CTNNA2: variants seen among roughly 807,000 people sequenced by gnomAD.
The protein encoded by CTNNA2 is catenin alpha 2.
A neutral mutation model predicts 101.0 loss-of-function variants in CTNNA2; 42 were observed. That is an observed-to-expected ratio of 0.42 (90% CI 0.32 to 0.54). The LOEUF is 0.54. Ranked by LOEUF, CTNNA2 falls within the 20% of genes least tolerant of loss-of-function variation. The probability of loss-of-function intolerance (pLI) is 0.14; values close to 1 mark genes in which losing one functional copy is unlikely to be tolerated. For synonymous variants in CTNNA2, 450 were observed against 456.4 expected, an observed-to-expected ratio of 0.99 and a Z score of 0.18; for missense variants, 871 against 1,223.1, an observed-to-expected ratio of 0.71 and a Z score of 4.29.
At chr2:79,185,533 A>G (rs189725677) in intron 1 of CTNNA2, 39 of 152,312 alleles carry the variant, frequency 2.6e-4, no homozygotes, top group Middle Eastern at 3.4e-3. Context: ...ATAAATGATG[A>G]TGAGGATAGA....
upstream of CTNNA2, chr2:79,512,865 G>T (rs1671594991): frequency 6.6e-6 from 1 of 151,220 alleles, no homozygotes; most frequent in Non-Finnish European, 1.5e-5. Flanking sequence ...TCCAGGCGCC[G>T]CGGAGCCACG....
chr2:79,333,298 G>A (rs1455511773), intron 3 of CTNNA2, among the ~76,000 whole-genome samples: 1 of 152,108 alleles, frequency 6.6e-6, no homozygotes, highest in Admixed American at 6.6e-5. Context: ...ATTTAAGCAA[G>A]ACTGTGGGTT....
At chr2:80,257,276 A>G (rs1345207456) in intron 7 of CTNNA2, among the ~76,000 whole-genome samples, 1 of 151,844 alleles carries the variant, frequency 6.6e-6, no homozygotes, top group Non-Finnish European at 1.5e-5. Context: ...TATATAGTAT[A>G]TAATCATTTA....
At chr2:79,914,166 C>CAAAAAAA (rs55675912) in intron 7 of CTNNA2, among the ~76,000 whole-genome samples, 7 of 90,610 alleles carry the variant, frequency 7.7e-5, no homozygotes, top group Admixed American at 1.4e-4. Flanking sequence ...GACTCCGTCT[C>CAAAAAAA]AAAAAAAAAA....
chr2:80,280,393 C>G (rs1674280389), intron 7 of CTNNA2, among the ~76,000 whole-genome samples: 2 of 151,454 alleles, frequency 1.3e-5, no homozygotes, highest in African/African-American at 4.8e-5. Context: ...AATTCTGGAG[C>G]CTTAGATAGG....
Position 80,648,678 on chromosome 2 carries a change from G to A in CTNNA2, c.*806G>A, listed in dbSNP as rs370901394. On this transcript the variant is annotated 3_prime_UTR_variant, in exon 19 of 19. Coordinates refer to ENST00000402739, the MANE Select transcript of CTNNA2 (RefSeq NM_001282597.3). Reference sequence around the variant, plus strand: ...TATTAGAGGGAAGGAAACTGACAACGTGTGAAAGTTAGAGGCAAATACATA... The same window carrying A: ...TATTAGAGGGAAGGAAACTGACAACATGTGAAAGTTAGAGGCAAATACATA... 30 of 152,194 alleles carry A rather than the reference G, an allele frequency of 2.0e-4. No homozygotes were observed. In the East Asian group the frequency reaches 5.0e-3, roughly 26 times the overall value. 9.4% of individuals were successfully genotyped at this position (152,194 alleles called of 1,614,324 possible).
chr2:79,196,312 T>C (rs566128501), intron 1 of CTNNA2, among the ~76,000 whole-genome samples: 1 of 152,282 alleles, frequency 6.6e-6, no homozygotes, highest in South Asian at 2.1e-4. Context: ...TTAGTGGTGC[T>C]CAAATATTCT....
At chr2:80,216,267 T>C (rs941380889) in intron 7 of CTNNA2, among the ~76,000 whole-genome samples, 1 of 152,144 alleles carries the variant, frequency 6.6e-6, no homozygotes, top group African/African-American at 2.4e-5. Flanking sequence ...ACACCCACTG[T>C]CCGACAAGCT....
At chr2:80,097,899 C>T (rs1451535206) in intron 7 of CTNNA2, among the ~76,000 whole-genome samples, 1 of 152,134 alleles carries the variant, frequency 6.6e-6, no homozygotes, top group Non-Finnish European at 1.5e-5. Flanking sequence ...TTCTAGTTAG[C>T]CATGCACCTA....
chr2:80,293,724 C>A (rs1675473181), intron 7 of CTNNA2, among the ~76,000 whole-genome samples: 1 of 152,146 alleles, frequency 6.6e-6, no homozygotes, highest in East Asian at 1.9e-4. Context: ...GATCAGTGTC[C>A]TACTAGGATT....
chr2:80,183,064 A>C (rs905879140), intron 7 of CTNNA2, among the ~76,000 whole-genome samples: 1 of 152,172 alleles, frequency 6.6e-6, no homozygotes, highest in Non-Finnish European at 1.5e-5. Flanking sequence ...TTTACATAGA[A>C]TACAACCTGA....
At chr2:80,382,007 C>T (rs1676557968) in intron 7 of CTNNA2, among the ~76,000 whole-genome samples, 1 of 152,102 alleles carries the variant, frequency 6.6e-6, no homozygotes, top group African/African-American at 2.4e-5. Context: ...CCATCTTTTT[C>T]CCGCATAGGG....
At chr2:80,640,687 G>T (rs1198981316) in intron 18 of CTNNA2, among the ~76,000 whole-genome samples, 2 of 152,178 alleles carry the variant, frequency 1.3e-5, no homozygotes, top group Admixed American at 1.3e-4. Context: ...AACATGAAAT[G>T]TTCTTCTTGG....
intron 9 of CTNNA2, among the ~76,000 whole-genome samples, chr2:80,473,965 C>T (rs996363190): frequency 6.6e-6 from 1 of 152,118 alleles, no homozygotes; most frequent in African/African-American, 2.4e-5. Flanking sequence ...TTTCCAAAAC[C>T]ATCTGTCTTA....
chr2:80,059,968 CAATT>C (rs565597469), intron 7 of CTNNA2, among the ~76,000 whole-genome samples: 82 of 152,288 alleles, frequency 5.4e-4, no homozygotes, highest in Admixed American at 1.8e-3. Flanking sequence ...ATCAGTCAAT[CAATT>C]GATTCATCTA....
intron 12 of CTNNA2, among the ~76,000 whole-genome samples, chr2:80,559,279 G>A (rs143159937): frequency 1.4e-4 from 22 of 152,262 alleles, no homozygotes; most frequent in Admixed American, 3.3e-4. Flanking sequence ...TCTGTAAAAG[G>A]GCAGAATAAT....
intron 6 of CTNNA2, among the ~76,000 whole-genome samples, chr2:79,881,442 A>G (rs1574215582): frequency 6.6e-6 from 1 of 151,880 alleles, no homozygotes; most frequent in East Asian, 1.9e-4. Flanking sequence ...GTGTGTAGAG[A>G]CCTATTAGTT....
At chr2:79,580,332 T>G (rs984373446) in intron 1 of CTNNA2, among the ~76,000 whole-genome samples, 3 of 152,154 alleles carry the variant, frequency 2.0e-5, no homozygotes, top group Non-Finnish European at 2.9e-5. Context: ...CCACTGCTAT[T>G]GGCTTTGAGT....
At chr2:79,414,216 A>G (rs908647284) in intron 4 of CTNNA2, among the ~76,000 whole-genome samples, 1 of 151,916 alleles carries the variant, frequency 6.6e-6, no homozygotes, top group Non-Finnish European at 1.5e-5. Context: ...GAGGGCAACA[A>G]CTAGGTTTCT....
Sources: allele counts gnomAD v4.1 joint callset (sites outside exome capture counted in the v4.1 genomes callset), GRCh38; gene constraint gnomAD v4.1.1; transcripts MANE v1.5; gene names NCBI Gene and HGNC (gene_info 2026-07-23, HGNC 2026-07-21).